The following RALGAPA1 variants were observed in gnomAD, a reference collection of about 807,000 sequenced individuals.
The protein encoded by RALGAPA1 is ral GTPase-activating protein subunit alpha-1.
RALGAPA1 carries 52 observed loss-of-function variants against 269.6 expected under a neutral mutation model. The observed-to-expected ratio is 0.19, with a 90% CI of 0.15 to 0.24. The LOEUF is 0.24. RALGAPA1 is among the 10% of genes least tolerant of loss of function. The pLI is 1.00. For synonymous variants in RALGAPA1, 817 were observed against 1,008.3 expected (o/e 0.81, Z 3.60); for missense variants, 1,917 against 3,013.9 (o/e 0.64, Z 8.52).
Position 35,654,416 on chromosome 14 carries a change from A to G in RALGAPA1, c.5558T>C (p.Val1853Ala). ...AGGCTGGTAAATCTGAAGTCTAGGT[A>G]CATAATGAACCAGCATGTGAAGCAT... ...CNMLHMLVHY[V>A]PRLQIYQPDS... Residue 1853 changes from valine to alanine, a missense_variant, in exon 30 of 42, where the codon GTA becomes GCA. Physicochemically the swap from Val to Ala is moderately conservative, Grantham distance 64. Around this residue, in one of 11 missense-constraint regions of RALGAPA1, gnomAD observed 346 missense variants for 566.1 expected, o/e 0.61. Transcript: ENST00000680220. 4 of 1,607,352 alleles carry G rather than the reference A, an allele frequency of 2.5e-6. No homozygotes were observed. Among genetic ancestry groups the G allele is most frequent in the Non-Finnish European group, 3.4e-6 (4 of 1,178,572 alleles).
At chr14:35,712,500 T>A (rs2068444084) in intron 16 of RALGAPA1, among the ~76,000 whole-genome samples, 1 of 152,194 alleles carries the variant, frequency 6.6e-6, no homozygotes, top group South Asian at 2.1e-4. Context: ...CCTTCATTTT[T>A]AAATTTGTTA....
rs537042247 is a variant in RALGAPA1 at position 35,763,300 on chromosome 14, C to T, written c.326-547G>A. On this transcript the variant is annotated intron_variant, in intron 4 of 41. Transcript: ENST00000680220. ...ACCACTCAGTATGAATAAATCTACA[C>T]GTAGTTCCATGTTTATTTCACTTAC... 7.2e-5 allele frequency among the ~76,000 whole-genome samples: 11 copies of T among 152,214 alleles called. No homozygotes were observed. The South Asian group carries it at 1.0e-3, about 14-fold the overall frequency.
Position 35,803,693 on chromosome 14 carries a change from A to G in RALGAPA1, c.106+5037T>C, listed in dbSNP as rs2077143414. Among the ~76,000 whole-genome samples, 3 of 150,236 alleles carry G rather than the reference A, an allele frequency of 2.0e-5. No homozygotes were observed. The South Asian group carries it at 6.3e-4, about 32-fold the overall frequency. Reference sequence around the variant, plus strand: ...GTTACCCAGGCTAGGGTGCAGTTGCACAATCTTGGCTCACTGCAAACCTCC... The same window carrying G: ...GTTACCCAGGCTAGGGTGCAGTTGCGCAATCTTGGCTCACTGCAAACCTCC... On this transcript the variant is annotated intron_variant, in intron 1 of 41. Transcript: ENST00000680220.
chr14:35,568,780 C>A (rs775146552), intron 39 of RALGAPA1, among the ~76,000 whole-genome samples: 2 of 152,188 alleles, frequency 1.3e-5, no homozygotes, highest in African/African-American at 4.8e-5. Flanking sequence ...GTCTTCAAAA[C>A]AATCTTCAGA....
intron 26 of RALGAPA1, among the ~76,000 whole-genome samples, chr14:35,670,326 T>C (rs893280662): frequency 6.6e-6 from 1 of 152,220 alleles, no homozygotes. Flanking sequence ...TAGACAAGTA[T>C]GTTTTTCTCA....
chr14:35,769,254 T>C (rs1052944681), intron 4 of RALGAPA1, among the ~76,000 whole-genome samples: 1 of 151,682 alleles, frequency 6.6e-6, no homozygotes, highest in African/African-American at 2.4e-5. Flanking sequence ...AAAGCGGATA[T>C]AGCCATTAAA....
At position 35,595,714 on chromosome 14, in the gene RALGAPA1, A is replaced by G; in HGVS notation, c.7129T>C (p.Phe2377Leu). Residue 2377 changes from phenylalanine to leucine, a missense_variant, in exon 37 of 42, where the codon TTT becomes CTT. Coordinates refer to ENST00000680220, the MANE Select transcript of RALGAPA1 (RefSeq NM_001346249.2). Reference sequence around the variant, plus strand: ...ATTACCTCTACTGTAGAGGTAGCAAAATATGGAGTGGTCAATCCAGTGCTT... The same window carrying G: ...ATTACCTCTACTGTAGAGGTAGCAAGATATGGAGTGGTCAATCCAGTGCTT... ...NKSTGLTTPY[F>L]ATSTVEVIFH... is the part of the protein sequence containing the mutation. 1 of 1,611,972 alleles carries G rather than the reference A, an allele frequency of 6.2e-7. No homozygotes were observed. Among genetic ancestry groups the G allele is most frequent in the African/African-American group, 1.3e-5 (1 of 74,986 alleles).
chr14:35,708,604 G>T (rs2068017802), intron 16 of RALGAPA1, among the ~76,000 whole-genome samples: 1 of 152,082 alleles, frequency 6.6e-6, no homozygotes, highest in Non-Finnish European at 1.5e-5. Context: ...AATAACAAAT[G>T]CTGGCCAGGA....
intron 14 of RALGAPA1, chr14:35,723,895 A>G (rs965744970): frequency 6.6e-6 from 1 of 152,138 alleles, no homozygotes. Context: ...TCTACTAAAG[A>G]TATGTCCTCT....
chr14:35,752,567 C>T (rs1040753625), intron 7 of RALGAPA1, among the ~76,000 whole-genome samples: 19 of 152,160 alleles, frequency 1.2e-4, no homozygotes, highest in African/African-American at 4.3e-4. Context: ...TGACACAGGA[C>T]GCAGGGCATC....
chr14:35,560,301 C>A (rs1363170093), intron 39 of RALGAPA1, among the ~76,000 whole-genome samples: 2 of 152,108 alleles, frequency 1.3e-5, no homozygotes, highest in East Asian at 3.8e-4. Flanking sequence ...TCTTTATCTG[C>A]CACTGCTCTT....
At chr14:35,683,782 GA>G in intron 21 of RALGAPA1, 26 bp downstream of exon 21, 1 of 1,522,802 alleles carries the variant, frequency 6.6e-7, no homozygotes, top group Non-Finnish European at 8.9e-7. Context: ...ATACATTTAA[GA>G]AACACATTCC....
intron 37 of RALGAPA1, among the ~76,000 whole-genome samples, chr14:35,575,947 A>C (rs886487814): frequency 6.6e-6 from 1 of 152,144 alleles, no homozygotes; most frequent in Admixed American, 6.5e-5. Context: ...TACTAAGCTA[A>C]AAACTGCCTT....
chr14:35,714,758 C>G (rs767772878), intron 16 of RALGAPA1, among the ~76,000 whole-genome samples: 5 of 151,788 alleles, frequency 3.3e-5, no homozygotes, highest in Non-Finnish European at 7.4e-5. Context: ...ATTTTTTTTC[C>G]TGACATATTC....
Position 35,775,816 on chromosome 14 carries a change from A to T in RALGAPA1, c.107-71T>A, listed in dbSNP as rs192892274. The T allele has an allele frequency of 1.0e-3, 1,409 of 1,367,410 alleles. 4 individuals carry two copies. In the African/African-American group the frequency reaches 0.016, roughly 16 times the overall value. 84.7% of individuals were successfully genotyped at this position (1,367,410 alleles called of 1,614,324 possible). ...TCAAGTTTAGCAAATATTCAGCGACAAGTTTCCTTCAAAGTCAAAGAACTG... is the reference window on the plus strand; with the variant it reads ...TCAAGTTTAGCAAATATTCAGCGACTAGTTTCCTTCAAAGTCAAAGAACTG... On this transcript the variant is annotated intron_variant, in intron 1 of 41. Transcript: ENST00000680220.
At position 35,572,591 on chromosome 14, in the gene RALGAPA1, A is replaced by T; in HGVS notation, c.7337T>A (p.Met2446Lys). ...LIVIYPMKNH[M>K]FSIQIMKKPE... ...TTTTTTCATTATCTGAATACTGAAC[A>T]TGTGATTTTTCATTGGATATATTAC... Residue 2446 changes from methionine to lysine, a missense_variant, in exon 38 of 42, where the codon ATG becomes AAG. By Grantham distance (95) the Met-to-Lys change is moderately conservative (BLOSUM62 -1). Around this residue, in one of 11 missense-constraint regions of RALGAPA1, gnomAD observed 91 missense variants for 130.9 expected, o/e 0.70. Coordinates refer to ENST00000680220, the MANE Select transcript of RALGAPA1 (RefSeq NM_001346249.2). 1 of 1,604,578 alleles carries T rather than the reference A, an allele frequency of 6.2e-7. No individual in the cohort carries two copies. The highest frequency in any genetic ancestry group is 2.2e-5 in the East Asian group (1 of 44,546).
intron 10 of RALGAPA1, among the ~76,000 whole-genome samples, chr14:35,745,763 CAAAAAAAAA>C (rs1157650791): frequency 3.0e-5 from 1 of 33,138 alleles, no homozygotes; most frequent in Non-Finnish European, 6.1e-5. Flanking sequence ...GACTCCATCT[CAAAAAAAAA>C]AAAAAAAAAA....
chr14:35,649,491 A>G (rs1203233031), intron 31 of RALGAPA1, among the ~76,000 whole-genome samples: 2 of 152,148 alleles, frequency 1.3e-5, no homozygotes, highest in Non-Finnish European at 2.9e-5. Context: ...TATCTTAGAA[A>G]CTTTATTTTC....
chr14:35,636,555 C>T (rs1234037123), intron 31 of RALGAPA1, among the ~76,000 whole-genome samples: 1 of 152,106 alleles, frequency 6.6e-6, no homozygotes, highest in Non-Finnish European at 1.5e-5. Flanking sequence ...CAGTCTTGCT[C>T]TGTCACCCAG....
Sources: gnomAD v4.1 joint callset for allele counts (sites outside exome capture counted in the v4.1 genomes callset) on GRCh38, gnomAD v4.1.1 for gene constraint, gnomAD v4.1.1 regional missense constraint, MANE v1.5 for transcripts, NCBI Gene and HGNC (gene_info 2026-07-23, HGNC 2026-07-21) for gene names.